Variants in TSHZ1 observed in about 807,000 individuals in gnomAD.
TSHZ1 encodes teashirt zinc finger homeobox 1, also known as teashirt homolog 1.
TSHZ1 carries 12 observed loss-of-function variants against 67.1 expected under a neutral mutation model. That is an observed-to-expected ratio of 0.18 (90% CI 0.11 to 0.29). The LOEUF (loss-of-function observed/expected upper bound fraction) is 0.29, where lower values mean the gene tolerates loss of function less well. Among genes scored for constraint, TSHZ1 ranks in the 10% least tolerant of loss-of-function variants. TSHZ1 has a pLI of 1.00. For synonymous variants in TSHZ1, 632 were observed against 622.4 expected (o/e 1.02, Z -0.23); for missense variants, 1,305 against 1,413.9 (o/e 0.92, Z 1.23).
chr18:75,253,272 C>T (rs888945556), intron 1 of TSHZ1, among the ~76,000 whole-genome samples: 1 of 152,042 alleles, frequency 6.6e-6, no homozygotes, highest in Non-Finnish European at 1.5e-5. Flanking sequence ...CTGTTGTTTG[C>T]CTTTGTATGT....
chr18:75,252,247 T>G (rs916178813), intron 1 of TSHZ1, among the ~76,000 whole-genome samples: 3 of 152,246 alleles, frequency 2.0e-5, no homozygotes, highest in African/African-American at 7.2e-5. Context: ...AATTAATATC[T>G]TTGTATGTAT....
intron 1 of TSHZ1, among the ~76,000 whole-genome samples, chr18:75,279,583 G>T (rs1162234279): frequency 6.6e-6 from 1 of 152,162 alleles, no homozygotes; most frequent in Non-Finnish European, 1.5e-5. Context: ...GAGGACGGTG[G>T]GAGGCGGCCA....
chr18:75,272,354 G>A (rs1368213191), intron 1 of TSHZ1, among the ~76,000 whole-genome samples: 1 of 152,064 alleles, frequency 6.6e-6, no homozygotes, highest in African/African-American at 2.4e-5. Flanking sequence ...GAGGGGAGGA[G>A]GGCCAGGGAT....
chr18:75,260,584 A>T (rs1253103549), intron 1 of TSHZ1, among the ~76,000 whole-genome samples: 1 of 152,212 alleles, frequency 6.6e-6, no homozygotes, highest in Non-Finnish European at 1.5e-5. Flanking sequence ...CATAAAGTTC[A>T]GGCTGTCTGT....
intron 1 of TSHZ1, among the ~76,000 whole-genome samples, chr18:75,230,925 G>A (rs2022990435): frequency 6.6e-6 from 1 of 152,202 alleles, no homozygotes; most frequent in Admixed American, 6.5e-5. Context: ...TCAGTGGATG[G>A]GAGGTGAACC....
rs564682814 is a variant in TSHZ1, at chr18:75,257,571, T to A, written c.41-27877T>A. Among the ~76,000 whole-genome samples the A allele has an allele frequency of 4.6e-5, 7 of 152,212 alleles. No homozygotes were observed. In the East Asian group the frequency reaches 1.2e-3, roughly 25 times the overall value. On this transcript the variant is annotated intron_variant, in intron 1 of 1. Coordinates refer to ENST00000580243, the MANE Select transcript of TSHZ1 (RefSeq NM_001308210.2). ...CTAATTTAGGAAATTTTTCATTTTT[T>A]AAAAATTTAGTCTTCAGTTACTTTA...
chr18:75,288,416 G>T lies in TSHZ1; in HGVS notation c.3009G>T (p.Leu1003=). The change falls in exon 2 of 2, where the codon CTG becomes CTT. Residue 1003 remains leucine (L), a synonymous_variant. Transcript: ENST00000580243. The surrounding 1 kb of genome is among the most constrained non-coding windows in gnomAD (Gnocchi z 4.9). ...TCAGCCTGAAGGATCTCTCCAAGCTGCCACTCAATCAGATTCAAGAACAGC... is the reference window on the plus strand; with the variant it reads ...TCAGCCTGAAGGATCTCTCCAAGCTTCCACTCAATCAGATTCAAGAACAGC... ...LGFSLKDLSK[L]PLNQIQEQQN... The T allele has an allele frequency of 6.2e-7, 1 of 1,614,226 alleles. No individual in the cohort carries two copies. The highest frequency in any genetic ancestry group is 8.5e-7 in the Non-Finnish European group (1 of 1,180,040).
In TSHZ1 at chr18:75,287,723, G is replaced by A. The variant is rs780962759; in HGVS notation, c.2316G>A (p.Ala772=). The A allele has an allele frequency of 2.4e-5, 38 of 1,614,022 alleles. No homozygotes were observed. The highest frequency in any genetic ancestry group is 3.0e-5 in the Non-Finnish European group (35 of 1,180,052). The change falls in exon 2 of 2, where the codon GCG becomes GCA. Residue 772 remains alanine (A), a synonymous_variant. Coordinates refer to ENST00000580243, the MANE Select transcript of TSHZ1 (RefSeq NM_001308210.2). The surrounding 1 kb of genome is among the most constrained non-coding windows in gnomAD (Gnocchi z 5.0). The part of the protein sequence containing the change: ...KPVSPSLDPL[A]MLYKISNSML... ...TGAGTCCCTCGCTGGACCCGCTGGCGATGCTGTACAAGATCAGCAACAGCA... is the reference window on the plus strand; with the variant it reads ...TGAGTCCCTCGCTGGACCCGCTGGCAATGCTGTACAAGATCAGCAACAGCA...
At chr18:75,248,595 C>T (rs1260087103) in intron 1 of TSHZ1, among the ~76,000 whole-genome samples, 1 of 152,164 alleles carries the variant, frequency 6.6e-6, no homozygotes, top group Non-Finnish European at 1.5e-5. Flanking sequence ...AATTGGCCCA[C>T]ATTAATGGAG....
At chr18:75,282,698 A>G (rs2023701077) in intron 1 of TSHZ1, among the ~76,000 whole-genome samples, 5 of 152,304 alleles carry the variant, frequency 3.3e-5, no homozygotes, top group South Asian at 2.1e-4. Context: ...AAACCCTGCC[A>G]GACCTTAACC....
chr18:75,249,313 T>C (rs2023263526), intron 1 of TSHZ1, among the ~76,000 whole-genome samples: 1 of 152,110 alleles, frequency 6.6e-6, no homozygotes. Context: ...GGGGAGAGGA[T>C]CATGCCCTGT....
At position 75,286,530 on chromosome 18, in the gene TSHZ1, G is replaced by T. The variant is rs778973516; in HGVS notation, c.1123G>T (p.Ala375Ser). Residue 375 changes from alanine to serine, a missense_variant, in exon 2 of 2, where the codon GCC becomes TCC. This residue lies in a region of TSHZ1 where 909 missense variants were observed against 961.8 expected (regional missense o/e 0.95). Coordinates refer to ENST00000580243, the MANE Select transcript of TSHZ1 (RefSeq NM_001308210.2). The surrounding 1 kb of genome is among the most constrained non-coding windows in gnomAD (Gnocchi z 5.1). ...PEPAGMAAEV[A>S]LSESAKDQKA... ...GCCAGCAGGAATGGCCGCAGAGGTG[G>T]CCCTGAGTGAGTCAGCCAAGGATCA... The T allele has an allele frequency of 3.7e-6, 6 of 1,614,074 alleles. No homozygotes were observed. In the African/African-American group the frequency reaches 8.0e-5, roughly 22 times the overall value.
At chr18:75,237,787 CTTTCATTTATTT>C (rs1599033644) in intron 1 of TSHZ1, among the ~76,000 whole-genome samples, 1 of 104,282 alleles carries the variant, frequency 9.6e-6, no homozygotes, top group Non-Finnish European at 2.3e-5. Flanking sequence ...AGCCTTCTTT[CTTTCATTTATTT>C]ATTTATTTAT....
At position 75,287,039 on chromosome 18, in the gene TSHZ1, C is replaced by T. The variant is rs780689354; in HGVS notation, c.1632C>T (p.Ser544=). 1 of 1,614,000 alleles carries T rather than the reference C, an allele frequency of 6.2e-7. No individual in the cohort carries two copies. The highest frequency in any genetic ancestry group is 1.3e-5 in the African/African-American group (1 of 75,048). The change falls in exon 2 of 2, where the codon AGC becomes AGT. Residue 544 remains serine, a synonymous_variant. Coordinates refer to ENST00000580243, the MANE Select transcript of TSHZ1 (RefSeq NM_001308210.2). The surrounding 1 kb of genome is among the most constrained non-coding windows in gnomAD (Gnocchi z 5.0). ...PYLREEDLDD[S]PKGGLDILKS... ...TGCGTGAGGAGGACCTGGACGACAGCCCCAAGGGAGGGCTGGACATTCTCA... is the reference window on the plus strand; with the variant it reads ...TGCGTGAGGAGGACCTGGACGACAGTCCCAAGGGAGGGCTGGACATTCTCA...
chr18:75,250,414 C>A (rs903885604), intron 1 of TSHZ1, among the ~76,000 whole-genome samples: 3 of 152,248 alleles, frequency 2.0e-5, no homozygotes, highest in Non-Finnish European at 4.4e-5. Flanking sequence ...CCTTCCGTCC[C>A]GCTCTGTAGC....
At chr18:75,225,784 G>A (rs1416065259) in intron 1 of TSHZ1, among the ~76,000 whole-genome samples, 1 of 152,036 alleles carries the variant, frequency 6.6e-6, no homozygotes, top group Non-Finnish European at 1.5e-5. Flanking sequence ...GAAGAATAGC[G>A]ATACCTCAAA....
intron 1 of TSHZ1, among the ~76,000 whole-genome samples, chr18:75,239,752 T>C (rs2023129507): frequency 6.6e-6 from 1 of 152,188 alleles, no homozygotes; most frequent in Admixed American, 6.5e-5. Context: ...CATTCTCCTT[T>C]CTTGGCCTCC....
intron 1 of TSHZ1, among the ~76,000 whole-genome samples, chr18:75,268,176 T>C (rs548681075): frequency 9.8e-5 from 15 of 152,362 alleles, no homozygotes; most frequent in Admixed American, 5.2e-4. Flanking sequence ...TTAAGACATC[T>C]ATCACCTCCT....
intron 1 of TSHZ1, among the ~76,000 whole-genome samples, chr18:75,238,550 A>G (rs2023111621): frequency 6.6e-6 from 1 of 151,908 alleles, no homozygotes; most frequent in Non-Finnish European, 1.5e-5. Flanking sequence ...CAAGGCAGGG[A>G]CCAGGCTCTG....
Sources: gnomAD v4.1 joint callset for allele counts (sites outside exome capture counted in the v4.1 genomes callset) on GRCh38, gnomAD v4.1.1 for gene constraint, gnomAD v4.1.1 regional missense constraint, Gnocchi (gnomAD v3.1) non-coding constraint, MANE v1.5 for transcripts, NCBI Gene and HGNC (gene_info 2026-07-23, HGNC 2026-07-21) for gene names.